The following RAPH1 variants were observed in gnomAD, a reference collection of about 807,000 sequenced individuals.
RAPH1 encodes Ras association (RalGDS/AF-6) and pleckstrin homology domains 1.
In RAPH1, 18 loss-of-function variants were observed where a neutral mutation model predicts 88.1. The observed-to-expected ratio is 0.20, with a 90% CI of 0.14 to 0.30. RAPH1 has a LOEUF of 0.30. Among genes scored for constraint, RAPH1 ranks in the 10% least tolerant of loss-of-function variants. The pLI is 1.00. For synonymous variants in RAPH1, 587 were observed against 559.0 expected, an observed-to-expected ratio of 1.05 and a Z score of -0.71; for missense variants, 1,448 against 1,543.2, an observed-to-expected ratio of 0.94 and a Z score of 1.03.
At chr2:203,474,149 G>T (rs1290405983) in intron 4 of RAPH1, among the ~76,000 whole-genome samples, 1 of 152,202 alleles carries the variant, frequency 6.6e-6, no homozygotes, top group Non-Finnish European at 1.5e-5. Flanking sequence ...CAGTGTGAGG[G>T]AGTGTGGCAG....
rs1161172750 is a variant in RAPH1 at position 203,535,258 on chromosome 2, G to GTGACTGAGTGACTGAC, written c.-149_-148insGTCAGTCACTCAGTCA. On this transcript the variant is annotated 5_prime_UTR_variant, in exon 1 of 14. Coordinates refer to ENST00000319170, the MANE Select transcript of RAPH1 (RefSeq NM_213589.3). ...CAGCAGCTCCCGCGCCGCGCGCTCA[G>GTGACTGAGTGACTGAC]TGACTGACTGACTGACTGACTGACT... 2 of 146,522 alleles carry GTGACTGAGTGACTGAC rather than the reference G, an allele frequency of 1.4e-5. No individual in the cohort carries two copies. The highest frequency in any genetic ancestry group is 5.0e-5 in the African/African-American group (2 of 40,004). 9.1% of individuals were successfully genotyped at this position (146,522 alleles called of 1,614,324 possible).
At chr2:203,491,012 C>G (rs534665533) in intron 3 of RAPH1, among the ~76,000 whole-genome samples, 1 of 149,106 alleles carries the variant, frequency 6.7e-6, no homozygotes, top group East Asian at 2.0e-4. Flanking sequence ...CCACTGAACT[C>G]CAGCCTGGGC....
At chr2:203,479,831 T>C (rs1687641395) in intron 4 of RAPH1, among the ~76,000 whole-genome samples, 1 of 152,168 alleles carries the variant, frequency 6.6e-6, no homozygotes, top group Non-Finnish European at 1.5e-5. Context: ...AATATAGCTT[T>C]TTAATATGAG....
At chr2:203,468,644 T>G (rs532498834) in intron 4 of RAPH1, among the ~76,000 whole-genome samples, 1 of 152,136 alleles carries the variant, frequency 6.6e-6, no homozygotes, top group African/African-American at 2.4e-5. Context: ...AGCTCGAGGG[T>G]GAGGAACAGG....
At chr2:203,484,314 G>C (rs962467076) in intron 4 of RAPH1, among the ~76,000 whole-genome samples, 1 of 152,112 alleles carries the variant, frequency 6.6e-6, no homozygotes, top group Non-Finnish European at 1.5e-5. Flanking sequence ...TGACTAACAG[G>C]TGCCACACGA....
At chr2:203,511,070 G>T (rs1308983295) in intron 1 of RAPH1, among the ~76,000 whole-genome samples, 1 of 151,960 alleles carries the variant, frequency 6.6e-6, no homozygotes, top group Non-Finnish European at 1.5e-5. Flanking sequence ...GTATTATGTG[G>T]TGGTTACTGG....
At position 203,440,874 on chromosome 2, in the gene RAPH1, G is replaced by A. The variant is rs2098503100; in HGVS notation, c.2316C>T (p.Pro772=). 1.4e-6 allele frequency: 2 copies of A among 1,475,094 alleles called. No homozygotes were observed. The highest frequency in any genetic ancestry group is 1.9e-5 in the Admixed American group (1 of 53,058). 91.4% of individuals were successfully genotyped at this position (1,475,094 alleles called of 1,614,324 possible). A position where few individuals can be genotyped will look rare whatever the true frequency, so the allele number is the denominator to read the frequency against. The change falls in exon 14 of 14, where the codon CCC becomes CCT. Residue 772 remains proline, a synonymous_variant. Coordinates refer to ENST00000319170, the MANE Select transcript of RAPH1 (RefSeq NM_213589.3). ...TPPPPPPIPA[P]LPPQAPPKPL... is the part of the protein sequence containing the mutation. ...GTTTTGGGGGAGCTTGGGGAGGGAG[G>A]GGTGCAGGGATAGGAGGAGGTGGGG...
intron 13 of RAPH1, 50 bp downstream of exon 13, chr2:203,444,818 C>T: frequency 6.3e-7 from 1 of 1,575,080 alleles, no homozygotes; most frequent in Non-Finnish European, 8.7e-7. Context: ...CAATTTAAAC[C>T]CAAAAGAATA....
intron 4 of RAPH1, among the ~76,000 whole-genome samples, chr2:203,463,630 T>A (rs2098526008): frequency 6.6e-6 from 1 of 152,202 alleles, no homozygotes; most frequent in South Asian, 2.1e-4. Flanking sequence ...ATACTATCTG[T>A]AAACTCAATT....
In RAPH1 at chr2:203,489,695, G is replaced by C. The variant is rs1431931005; in HGVS notation, c.621C>G (p.Ser207=). 1 of 1,614,124 alleles carries C rather than the reference G, an allele frequency of 6.2e-7. No homozygotes were observed. Among genetic ancestry groups the C allele is most frequent in the East Asian group, 2.2e-5 (1 of 44,886 alleles). The change falls in exon 4 of 14, where the codon TCC becomes TCG. Residue 207 remains serine, a synonymous_variant. Transcript: ENST00000319170. ...CTGCGGAAGTGATGCTGGAATGGGA[G>C]GAATTACTAATAGAGTGTACTTCAG... The part of the protein sequence containing the change: ...SDAEVHSISN[S]SHSSITSAAS...
chr2:203,531,091 C>A (rs1452876574), intron 1 of RAPH1, among the ~76,000 whole-genome samples: 1 of 152,062 alleles, frequency 6.6e-6, no homozygotes, highest in Non-Finnish European at 1.5e-5. Flanking sequence ...CCAAATGGAT[C>A]AAAGACCTAA....
intron 1 of RAPH1, among the ~76,000 whole-genome samples, chr2:203,502,627 C>T (rs1688786220): frequency 1.4e-5 from 2 of 147,978 alleles, no homozygotes; most frequent in African/African-American, 5.0e-5. Flanking sequence ...TGAGACCATC[C>T]TGGCTAACAC....
At chr2:203,474,162 T>G (rs1241940891) in intron 4 of RAPH1, among the ~76,000 whole-genome samples, 1 of 152,096 alleles carries the variant, frequency 6.6e-6, no homozygotes, top group Non-Finnish European at 1.5e-5. Flanking sequence ...TGTGGCAGGG[T>G]AGAAAGAGGG....
chr2:203,498,403 T>C (rs1013753338), intron 1 of RAPH1, among the ~76,000 whole-genome samples: 1 of 152,202 alleles, frequency 6.6e-6, no homozygotes, highest in African/African-American at 2.4e-5. Flanking sequence ...GAGGAAGTTA[T>C]AATCAAAGAG....
chr2:203,503,858 G>A (rs1282126274), intron 1 of RAPH1, among the ~76,000 whole-genome samples: 1 of 152,076 alleles, frequency 6.6e-6, no homozygotes, highest in Non-Finnish European at 1.5e-5. Flanking sequence ...CAAAACAAAG[G>A]GGTTACAGGG....
chr2:203,479,182 ATTCT>A (rs1687607579), intron 4 of RAPH1, among the ~76,000 whole-genome samples: 1 of 152,222 alleles, frequency 6.6e-6, no homozygotes, highest in African/African-American at 2.4e-5. Context: ...TCTTTGTACT[ATTCT>A]TTAAAGGTTT....
intron 13 of RAPH1, 186 bp from the exon 14 acceptor site, chr2:203,441,599 G>T: frequency 7.4e-7 from 1 of 1,345,488 alleles, no homozygotes; most frequent in Non-Finnish European, 9.5e-7. Flanking sequence ...GATTGTGCGG[G>T]CAAGAAGGAA....
Position 203,454,554 on chromosome 2 carries a change from A to G in RAPH1, c.1303-14T>C, listed in dbSNP as rs1256039013. ...ATCCCGAGAGACCTAAGATAAAAAC[A>G]CCAAAAAGATAAAATTAATAATAAT... On this transcript the variant is annotated splice_polypyrimidine_tract_variant and intron_variant, in intron 9 of 13. Transcript: ENST00000319170. The G allele has an allele frequency of 6.4e-7, 1 of 1,572,626 alleles. No homozygotes were observed. The highest frequency in any genetic ancestry group is 2.2e-5 in the East Asian group (1 of 44,606).
chr2:203,447,229 T>G (rs2098510755), intron 12 of RAPH1: 1 of 151,074 alleles, frequency 6.6e-6, no homozygotes, highest in Non-Finnish European at 1.5e-5. Context: ...CATGATCTAT[T>G]TAAGCAGCAT....
Sources: gnomAD v4.1 joint callset for allele counts (sites outside exome capture counted in the v4.1 genomes callset) on GRCh38, gnomAD v4.1.1 for gene constraint, MANE v1.5 for transcripts, NCBI Gene and HGNC (gene_info 2026-07-23, HGNC 2026-07-21) for gene names.